Variants in MDN1 observed in about 807,000 individuals in gnomAD.
MDN1 encodes midasin AAA ATPase 1.
A neutral mutation model predicts 669.2 loss-of-function variants in MDN1; 266 were observed. The observed-to-expected ratio is 0.40, with a 90% confidence interval of 0.36 to 0.44. The LOEUF is 0.44. Ranked by LOEUF, MDN1 falls within the 20% of genes least tolerant of loss-of-function variation. MDN1 has a pLI of 1.00. For synonymous variants in MDN1, 2,385 were observed against 2,457.1 expected (o/e 0.97, Z 0.87); for missense variants, 5,940 against 6,754.0 (o/e 0.88, Z 4.22).
At chr6:89,811,558 G>A (rs1768418738) in intron 1 of MDN1, among the ~76,000 whole-genome samples, 2 of 151,822 alleles carry the variant, frequency 1.3e-5, no homozygotes, top group Non-Finnish European at 2.9e-5. Context: ...CAATTCTCCT[G>A]CCACAGCCTC....
At chr6:89,813,213 A>C (rs1768562829) in intron 1 of MDN1, among the ~76,000 whole-genome samples, 1 of 152,180 alleles carries the variant, frequency 6.6e-6, no homozygotes, top group African/African-American at 2.4e-5. Flanking sequence ...GTGCTGGTAC[A>C]GGCCTGAGCC....
chr6:89,805,243 T>TA (rs1275041557), intron 1 of MDN1, among the ~76,000 whole-genome samples: 1 of 152,048 alleles, frequency 6.6e-6, no homozygotes, highest in Non-Finnish European at 1.5e-5. Flanking sequence ...CAGTTTATCC[T>TA]AAGAAGTTTC....
chr6:89,669,107 C>T (rs1810459056), intron 83 of MDN1, among the ~76,000 whole-genome samples: 1 of 152,186 alleles, frequency 6.6e-6, no homozygotes, highest in Non-Finnish European at 1.5e-5. Flanking sequence ...TCTGGGATAG[C>T]CACAGGGCTC....
chr6:89,722,865 A>AAAAAAAT (rs1554186697), intron 40 of MDN1, 90 bp downstream of exon 40: 2 of 840,752 alleles, frequency 2.4e-6, no homozygotes, highest in Non-Finnish European at 1.7e-6. Flanking sequence ...AAAAAAAAAA[A>AAAAAAAT]AAGGCTTGCA....
chr6:89,662,647 A>AGGATAGAAAAAAGAAAAAGAG, intron 86 of MDN1, 145 bp downstream of exon 86: 2 of 965,884 alleles, frequency 2.1e-6, no homozygotes, highest in Non-Finnish European at 3.0e-6. Flanking sequence ...TCAATAAGAT[A>AGGATAGAAAAAAGAAAAAGAG]GGATAGAAAA....
intron 10 of MDN1, among the ~76,000 whole-genome samples, chr6:89,781,073 A>C (rs1424323065): frequency 1.3e-5 from 2 of 152,080 alleles, no homozygotes; most frequent in African/African-American, 2.4e-5. Flanking sequence ...CAAGTGTCAG[A>C]AAAGGGCATT....
At chr6:89,750,676 C>T in intron 23 of MDN1, 144 bp from the exon 24 acceptor site, 3 of 794,304 alleles carry the variant, frequency 3.8e-6, no homozygotes, top group East Asian at 2.5e-5. Flanking sequence ...AATCATAGCT[C>T]ACTGCAGCCT....
chr6:89,722,861 A>AT lies in MDN1; in HGVS notation c.5967+93_5967+94insA, dbSNP rs1387810994. The AT allele has an allele frequency of 7.4e-5, 86 of 1,166,614 alleles. 1 individual carries two copies. The highest frequency in any genetic ancestry group is 1.1e-4 in the South Asian group (6 of 54,120). The allele number at this position is 1,166,614 out of a possible 1,614,324, so 72.3% of individuals were successfully genotyped here. On this transcript the variant is annotated intron_variant, in intron 40 of 101. Coordinates refer to ENST00000369393, the MANE Select transcript of MDN1 (RefSeq NM_014611.3). Reference sequence around the variant, plus strand: ...AACCCAGTCTCAAAAAAAAAAAAAAAAAAAAAGGCTTGCAATTAGTGTATG... The same window carrying AT: ...AACCCAGTCTCAAAAAAAAAAAAAAATAAAAAAGGCTTGCAATTAGTGTATG...
At chr6:89,805,565 T>C (rs1767960783) in intron 1 of MDN1, among the ~76,000 whole-genome samples, 1 of 151,964 alleles carries the variant, frequency 6.6e-6, no homozygotes, top group South Asian at 2.1e-4. Flanking sequence ...AAAAAAAGGA[T>C]GAGGAGGAGG....
intron 54 of MDN1, 69 bp from the exon 55 acceptor site, chr6:89,701,747 T>C: frequency 6.4e-7 from 1 of 1,552,654 alleles, no homozygotes; most frequent in East Asian, 2.3e-5. Context: ...AGAGAAGCCA[T>C]TAATATTTTC....
intron 97 of MDN1, 46 bp downstream of exon 97, chr6:89,649,978 T>G: frequency 6.3e-7 from 1 of 1,598,808 alleles, no homozygotes; most frequent in Non-Finnish European, 8.6e-7. Flanking sequence ...GAACATAGCT[T>G]GATGTTAATT....
chr6:89,723,229 T>C, intron 39 of MDN1, 86 bp from the exon 40 acceptor site: 1 of 1,348,310 alleles, frequency 7.4e-7, no homozygotes, highest in Non-Finnish European at 1.0e-6. Context: ...TACAAAAGCA[T>C]ATGTAATCTG....
chr6:89,716,589 T>C (rs1814388662), intron 44 of MDN1, 61 bp downstream of exon 44: 3 of 1,536,968 alleles, frequency 2.0e-6, no homozygotes, highest in Non-Finnish European at 2.6e-6. Context: ...TCTGGGTTTC[T>C]ACTTTGACAA....
chr6:89,660,167 A>G (rs1179258399), intron 88 of MDN1, among the ~76,000 whole-genome samples: 3 of 151,978 alleles, frequency 2.0e-5, no homozygotes, highest in Non-Finnish European at 4.4e-5. Flanking sequence ...GATTATAGAC[A>G]TGAACCACCG....
intron 92 of MDN1, 73 bp downstream of exon 92, chr6:89,655,691 A>G (rs1475377574): frequency 1.5e-6 from 2 of 1,330,688 alleles, no homozygotes; most frequent in Non-Finnish European, 2.1e-6. Flanking sequence ...ACGTATCATT[A>G]TTATAGGTCA....
chr6:89,724,235 C>G (rs956007830), intron 38 of MDN1, among the ~76,000 whole-genome samples: 8 of 152,116 alleles, frequency 5.3e-5, no homozygotes, highest in Non-Finnish European at 1.2e-4. Flanking sequence ...CGAGTATTCA[C>G]TATAAAAGTC....
rs969644999 is a variant in MDN1, at chr6:89,685,763, A to C, written c.11719+64T>G. On this transcript the variant is annotated intron_variant, in intron 70 of 101. Transcript: ENST00000369393. ...GCAACAAGGCACCTGTCTCATGCAG[A>C]GAATTCAAAGCCTAACTCATTTTAG... The C allele has an allele frequency of 7.7e-6, 12 of 1,562,630 alleles. No homozygotes were observed. The East Asian group carries it at 2.5e-4, about 32-fold the overall frequency.
chr6:89,678,056 G>A (rs1811341831), intron 75 of MDN1, among the ~76,000 whole-genome samples: 2 of 152,254 alleles, frequency 1.3e-5, no homozygotes, highest in Middle Eastern at 3.4e-3. Context: ...GGTGGATCAC[G>A]AGGTCAGGAG....
intron 97 of MDN1, 134 bp from the exon 98 acceptor site, chr6:89,648,463 G>T: frequency 1.3e-6 from 1 of 755,658 alleles, no homozygotes; most frequent in Non-Finnish European, 2.2e-6. Flanking sequence ...CATCAGTAAG[G>T]CTACTATAGT....
Sources: allele counts gnomAD v4.1 joint callset (sites outside exome capture counted in the v4.1 genomes callset), GRCh38; gene constraint gnomAD v4.1.1; transcripts MANE v1.5; gene names NCBI Gene and HGNC (gene_info 2026-07-23, HGNC 2026-07-21).